Variants in MACROD2 observed in about 807,000 individuals in gnomAD.
The protein encoded by MACROD2 is ADP-ribose glycohydrolase MACROD2.
In MACROD2, 36 loss-of-function variants were observed where a neutral mutation model predicts 70.4. That is an observed-to-expected ratio of 0.51 (90% CI 0.39 to 0.68). MACROD2 has a LOEUF of 0.68. Among genes scored for constraint, MACROD2 ranks in the 30% least tolerant of loss-of-function variants. The pLI is 0.00. For synonymous variants in MACROD2, 172 were observed against 178.8 expected (o/e 0.96, Z 0.30); for missense variants, 496 against 538.4 (o/e 0.92, Z 0.78).
At chr20:15,241,559 A>G (rs2077059703) in intron 6 of MACROD2, among the ~76,000 whole-genome samples, 2 of 152,136 alleles carry the variant, frequency 1.3e-5, no homozygotes, top group East Asian at 1.9e-4. Flanking sequence ...CATCCATACA[A>G]ACAGACAACT....
At chr20:15,885,689 A>C in intron 9 of MACROD2, 75 bp from the exon 10 acceptor site, 1 of 1,299,434 alleles carries the variant, frequency 7.7e-7, no homozygotes, top group Non-Finnish European at 1.0e-6. Flanking sequence ...ATTTTTTTTA[A>C]TAATCCATCT....
chr20:14,579,455 C>T (rs2123342738), intron 4 of MACROD2, among the ~76,000 whole-genome samples: 1 of 152,282 alleles, frequency 6.6e-6, no homozygotes, highest in East Asian at 1.9e-4. Flanking sequence ...GTATCCAATT[C>T]TTAATACACA....
intron 8 of MACROD2, among the ~76,000 whole-genome samples, chr20:15,547,910 T>C (rs924382811): frequency 2.0e-5 from 3 of 152,216 alleles, no homozygotes; most frequent in African/African-American, 7.2e-5. Flanking sequence ...TTACCCTCTC[T>C]AGTAATTGTG....
chr20:15,147,283 T>G (rs2076237111), intron 5 of MACROD2, among the ~76,000 whole-genome samples: 1 of 152,208 alleles, frequency 6.6e-6, no homozygotes, highest in Non-Finnish European at 1.5e-5. Context: ...ATTGCATAAT[T>G]TTCCTTATCT....
chr20:14,907,036 C>T (rs911756993), intron 5 of MACROD2, among the ~76,000 whole-genome samples: 1 of 152,114 alleles, frequency 6.6e-6, no homozygotes, highest in Non-Finnish European at 1.5e-5. Flanking sequence ...GACCAAATTG[C>T]GGACTAGCTA....
At chr20:15,819,460 T>C (rs1054309765) in intron 8 of MACROD2, among the ~76,000 whole-genome samples, 2 of 145,164 alleles carry the variant, frequency 1.4e-5, no homozygotes, top group Admixed American at 1.4e-4. Context: ...TATATAAATA[T>C]ATAAGTATAT....
At chr20:14,805,515 C>T (rs2072628114) in intron 5 of MACROD2, among the ~76,000 whole-genome samples, 1 of 152,018 alleles carries the variant, frequency 6.6e-6, no homozygotes, top group Non-Finnish European at 1.5e-5. Flanking sequence ...TTGTAATAAT[C>T]ATACATGCTT....
intron 5 of MACROD2, among the ~76,000 whole-genome samples, chr20:15,197,282 A>G (rs1429585218): frequency 6.6e-6 from 1 of 152,148 alleles, no homozygotes. Flanking sequence ...TATATTTTAC[A>G]CAAAAAGAGA....
At chr20:15,327,533 A>C (rs2077943943) in intron 6 of MACROD2, among the ~76,000 whole-genome samples, 1 of 152,156 alleles carries the variant, frequency 6.6e-6, no homozygotes, top group Non-Finnish European at 1.5e-5. Context: ...AGAAGTGCCA[A>C]GCAAAAGGGG....
chr20:14,264,286 A>G (rs2082125244), intron 3 of MACROD2, among the ~76,000 whole-genome samples: 1 of 152,214 alleles, frequency 6.6e-6, no homozygotes, highest in Non-Finnish European at 1.5e-5. Flanking sequence ...GAGAAAGCTT[A>G]CAGGAGAAAG....
At chr20:15,587,604 G>A (rs942182352) in intron 8 of MACROD2, among the ~76,000 whole-genome samples, 9 of 152,204 alleles carry the variant, frequency 5.9e-5, no homozygotes, top group African/African-American at 1.7e-4. Flanking sequence ...TGCAATGGAC[G>A]TACAGTTATT....
At chr20:14,115,788 G>T (rs1322579281) in intron 3 of MACROD2, among the ~76,000 whole-genome samples, 1 of 152,028 alleles carries the variant, frequency 6.6e-6, no homozygotes, top group East Asian at 1.9e-4. Context: ...GAGAATAAAG[G>T]AAGACCAAAA....
At chr20:15,176,195 G>C (rs972321132) in intron 5 of MACROD2, among the ~76,000 whole-genome samples, 3 of 152,330 alleles carry the variant, frequency 2.0e-5, no homozygotes, top group Middle Eastern at 3.4e-3. Context: ...GCTGAGGGCA[G>C]CTTAGTGTGG....
rs1813092302 is a variant in MACROD2, at chr20:15,157,362, TCCCCCCCCCCC to T, written c.419-72577_419-72567del. On this transcript the variant is annotated intron_variant, in intron 5 of 17. Transcript: ENST00000684519. ...ATCTAATTAACCACCCCCCCCCACC[TCCCCCCCCCCC>T]GGCCACCCAGGCTTCACCTCTAAAT... is the stretch of plus-strand genomic sequence containing the variant. Among the ~76,000 whole-genome samples, 11 of 21,010 alleles carry T rather than the reference TCCCCCCCCCCC, an allele frequency of 5.2e-4. 1 individual carries two copies. Among genetic ancestry groups the T allele is most frequent in the South Asian group, 1.4e-3 (1 of 692 alleles). The allele number at this position is 21,010 out of a possible 152,430, so 13.8% of individuals were successfully genotyped here.
Position 15,207,436 on chromosome 20 carries a change from G to GTTTTTT in MACROD2, c.419-22488_419-22483dup, listed in dbSNP as rs548522491. 4.3e-4 allele frequency among the ~76,000 whole-genome samples: 36 copies of GTTTTTT among 84,580 alleles called. 3 individuals carry two copies. The highest frequency in any genetic ancestry group is 1.7e-3 in the African/African-American group (31 of 17,808). The allele number at this position is 84,580 out of a possible 152,430, so 55.5% of individuals were successfully genotyped here. A position where few individuals can be genotyped will look rare whatever the true frequency, so the allele number is the denominator to read the frequency against. ...TCTTTTGTTTGTTTGTTTGTTTCTG[G>GTTTTTT]TTTTTTTTTTTTTTTTTTTTTCAGA... On this transcript the variant is annotated intron_variant, in intron 5 of 17. Coordinates refer to ENST00000684519, the MANE Select transcript of MACROD2 (RefSeq NM_001351661.2).
Position 15,926,519 on chromosome 20 carries a change from A to AGAT in MACROD2, c.776-6752_776-6750dup, listed in dbSNP as rs562423960. ...AAATTAGAGGATATGATATATTAGA[A>AGAT]GATGATGGACAATTGAAGAACCAAA... On this transcript the variant is annotated intron_variant, in intron 10 of 17. Transcript: ENST00000684519. 4.9e-3 allele frequency among the ~76,000 whole-genome samples: 748 copies of AGAT among 152,338 alleles called. 2 individuals carry two copies. Among genetic ancestry groups the AGAT allele is most frequent in the Non-Finnish European group, 7.7e-3 (523 of 68,024 alleles).
At chr20:15,183,504 A>T (rs2076514393) in intron 5 of MACROD2, among the ~76,000 whole-genome samples, 1 of 115,952 alleles carries the variant, frequency 8.6e-6, no homozygotes, top group African/African-American at 3.9e-5. Context: ...CCTGTCTCTT[A>T]AAAAAAAAAA....
intron 6 of MACROD2, among the ~76,000 whole-genome samples, chr20:15,234,011 T>A (rs367590456): frequency 6.8e-3 from 242 of 35,330 alleles, no homozygotes; most frequent in Non-Finnish European, 7.6e-3. Context: ...ATATATATAT[T>A]CTTTTTTTTT....
At chr20:14,016,673 G>T (rs1273776933) in intron 2 of MACROD2, among the ~76,000 whole-genome samples, 1 of 151,946 alleles carries the variant, frequency 6.6e-6, no homozygotes, top group Non-Finnish European at 1.5e-5. Context: ...GAATGGTCTT[G>T]GCACTCGTGT....
Sources: allele counts gnomAD v4.1 joint callset (sites outside exome capture counted in the v4.1 genomes callset), GRCh38; gene constraint gnomAD v4.1.1; transcripts MANE v1.5; gene names NCBI Gene and HGNC (gene_info 2026-07-23, HGNC 2026-07-21).